Variants in IQSEC1 observed in about 807,000 individuals in gnomAD.
The protein encoded by IQSEC1 is IQ motif and Sec7 domain ArfGEF 1, also known as IQ motif and SEC7 domain-containing protein 1.
Under a neutral mutation model 91.0 loss-of-function variants are expected in IQSEC1, and 31 were observed. The observed-to-expected ratio is 0.34, with a 90% CI of 0.26 to 0.46. The LOEUF (loss-of-function observed/expected upper bound fraction) is 0.46. IQSEC1 is among the 20% of genes least tolerant of loss of function. The pLI is 1.00. For synonymous variants in IQSEC1, 699 were observed against 662.6 expected, an observed-to-expected ratio of 1.05 and a Z score of -0.84; for missense variants, 1,388 against 1,575.6, an observed-to-expected ratio of 0.88 and a Z score of 2.02.
intron 1 of IQSEC1, among the ~76,000 whole-genome samples, chr3:13,206,850 G>C (rs780043825): frequency 1.3e-4 from 20 of 152,142 alleles, no homozygotes; most frequent in Non-Finnish European, 2.4e-4. Flanking sequence ...AATGATGGGA[G>C]GGAGGCATGA....
At position 12,909,426 on chromosome 3, in the gene IQSEC1, T is replaced by G. The variant is rs1247397549; in HGVS notation, c.2425A>C (p.Asn809His). 3 of 1,613,758 alleles carry G rather than the reference T, an allele frequency of 1.9e-6. No individual in the cohort carries two copies. In the East Asian group the frequency reaches 6.7e-5, roughly 36 times the overall value. Reference sequence around the variant, plus strand: ...ACAGACGAGGTGAGCCGGATGCCATTGGGGTAGTCTGCAAAAGGGAAGGAG... The same window carrying G: ...ACAGACGAGGTGAGCCGGATGCCATGGGGGTAGTCTGCAAAAGGGAAGGAG... ...VLLFENQYYPNGIRLTSSVPG... is the reference protein window; with the variant it reads ...VLLFENQYYPHGIRLTSSVPG... The change falls in exon 11 of 14, where the codon AAT becomes CAT. Residue 809 changes from asparagine (N) to histidine (H), a missense_variant. By Grantham distance (68) the Asn-to-His change is moderately conservative. This residue lies in a region of IQSEC1 where 1,059 missense variants were observed against 1,317.8 expected (regional missense o/e 0.80). Coordinates refer to ENST00000613206, the MANE Select transcript of IQSEC1 (RefSeq NM_001134382.3). The surrounding 1 kb of genome is among the most constrained non-coding windows in gnomAD (Gnocchi z 4.9).
intron 1 of IQSEC1, among the ~76,000 whole-genome samples, chr3:12,975,778 G>A (rs777263142): frequency 1.9e-4 from 29 of 152,232 alleles, no homozygotes; most frequent in Non-Finnish European, 2.9e-5. Flanking sequence ...TAAAGAATTT[G>A]TTTAAGGGCA....
At chr3:13,055,087 C>G (rs1323088679) in intron 1 of IQSEC1, among the ~76,000 whole-genome samples, 1 of 152,252 alleles carries the variant, frequency 6.6e-6, no homozygotes, top group South Asian at 2.1e-4. Flanking sequence ...GGCCACAGAC[C>G]GCCCTGCCTG....
At chr3:12,913,166 G>A (rs578197709) in intron 9 of IQSEC1, among the ~76,000 whole-genome samples, 1 of 152,248 alleles carries the variant, frequency 6.6e-6, no homozygotes, top group Non-Finnish European at 1.5e-5. Flanking sequence ...ACAAGGTACA[G>A]GTGCAGACAG....
chr3:13,040,050 C>T (rs1704194391), intron 1 of IQSEC1, among the ~76,000 whole-genome samples: 2 of 152,238 alleles, frequency 1.3e-5, no homozygotes, highest in East Asian at 1.9e-4. Flanking sequence ...TCACATGTAG[C>T]AGACACTCAC....
chr3:13,246,111 G>A (rs914264229), intron 1 of IQSEC1, among the ~76,000 whole-genome samples: 3 of 152,176 alleles, frequency 2.0e-5, no homozygotes, highest in African/African-American at 4.8e-5. Flanking sequence ...TAGTGCATCC[G>A]AGCATCCATC....
intron 3 of IQSEC1, among the ~76,000 whole-genome samples, chr3:12,933,846 T>C (rs1033765664): frequency 1.3e-5 from 2 of 152,252 alleles, no homozygotes; most frequent in South Asian, 4.1e-4. Context: ...GAAGAATGTA[T>C]TCACGTGCTA....
At chr3:13,181,339 A>C (rs1200706450) in intron 1 of IQSEC1, among the ~76,000 whole-genome samples, 3 of 152,228 alleles carry the variant, frequency 2.0e-5, no homozygotes, top group Non-Finnish European at 4.4e-5. Context: ...AGAAGAAATA[A>C]ATCTACAAGT....
chr3:13,076,474 C>T (rs997042997), upstream of IQSEC1, among the ~76,000 whole-genome samples: 5 of 152,202 alleles, frequency 3.3e-5, no homozygotes, highest in Admixed American at 2.6e-4. Context: ...CTGCAACCTG[C>T]GGCCATCTGT....
intron 2 of IQSEC1, among the ~76,000 whole-genome samples, chr3:13,095,569 C>T (rs956779939): frequency 1.3e-5 from 2 of 152,128 alleles, no homozygotes; most frequent in African/African-American, 4.8e-5. Context: ...TGCCACTCCC[C>T]CCTCCTTTCC....
chr3:13,241,033 G>A lies in IQSEC1; in HGVS notation c.272+41678C>T, dbSNP rs201212317. Among the ~76,000 whole-genome samples the A allele has an allele frequency of 6.6e-5, 10 of 152,302 alleles. No individual in the cohort carries two copies. The East Asian group carries it at 1.3e-3, about 21-fold the overall frequency. On this transcript the variant is annotated intron_variant, in intron 1 of 15. Coordinates refer to the IQSEC1 transcript ENST00000648114. ...ACAGGTGGGCCCACCGTGTGATCAC[G>A]TCTCCAAACCAGGCACTTGATGGTC... is the stretch of plus-strand genomic sequence containing the variant.
chr3:13,058,628 T>C (rs1195814973), intron 1 of IQSEC1, among the ~76,000 whole-genome samples: 5 of 152,132 alleles, frequency 3.3e-5, no homozygotes, highest in African/African-American at 9.7e-5. Context: ...AGTGGGGCCC[T>C]GGAAGGAGAA....
In IQSEC1 at chr3:13,154,228, C is replaced by A. The variant is rs373204030; in HGVS notation, c.302+9876G>T. Among the ~76,000 whole-genome samples the A allele has an allele frequency of 3.0e-4, 45 of 151,010 alleles. 1 individual carries two copies. The East Asian group carries it at 8.5e-3, about 28-fold the overall frequency. On this transcript the variant is annotated intron_variant, in intron 2 of 15. Coordinates refer to the IQSEC1 transcript ENST00000648114. ...TGACTGGTGGAACTCTAGGACCATC[C>A]CTGGACACCATCATTAGTGGGCAGG...
chr3:13,151,515 T>G (rs2124960453), intron 2 of IQSEC1, among the ~76,000 whole-genome samples: 1 of 152,216 alleles, frequency 6.6e-6, no homozygotes, highest in South Asian at 2.1e-4. Flanking sequence ...AGGGGAACAG[T>G]AGCAAAGTTC....
At chr3:12,968,202 C>A (rs1700731519) in intron 1 of IQSEC1, among the ~76,000 whole-genome samples, 1 of 152,214 alleles carries the variant, frequency 6.6e-6, no homozygotes, top group African/African-American at 2.4e-5. Context: ...TAAAACCTGG[C>A]CTTTGCCTGC....
chr3:13,282,911 C>G lies in IQSEC1; in HGVS notation c.72G>C (p.Ala24=), dbSNP rs1175556557. Among the ~76,000 whole-genome samples the G allele has an allele frequency of 2.7e-5, 4 of 147,390 alleles. No homozygotes were observed. The highest frequency in any genetic ancestry group is 4.5e-5 in the Non-Finnish European group (3 of 66,128). ...GCCGGCGCGCCAGCAGCTCCTGCTGCGCGGCGACGATCCGGGTCAGCTCCT... is the reference window on the plus strand; with the variant it reads ...GCCGGCGCGCCAGCAGCTCCTGCTGGGCGGCGACGATCCGGGTCAGCTCCT... Residue 24 remains alanine (A), a synonymous_variant, in exon 1 of 16, where the codon GCG becomes GCC. Coordinates refer to the IQSEC1 transcript ENST00000648114. This position sits in a 1 kb window ranked among gnomAD's most constrained non-coding sequence, Gnocchi z 6.4.
In IQSEC1 at chr3:12,898,935, C is replaced by T. The variant is rs962100927; in HGVS notation, c.*2048G>A. On this transcript the variant is annotated 3_prime_UTR_variant, in exon 14 of 14. Transcript: ENST00000613206. ...TTGATGAGTCGGAGACACCAGGGCGCTTCCCTGACAGCCCAGCCTGGACCC... is the reference window on the plus strand; with the variant it reads ...TTGATGAGTCGGAGACACCAGGGCGTTTCCCTGACAGCCCAGCCTGGACCC... 6.3e-6 allele frequency: 1 copy of T among 159,448 alleles called. No homozygotes were observed. Among genetic ancestry groups the T allele is most frequent in the African/African-American group, 2.4e-5 (1 of 41,654 alleles). The allele number at this position is 159,448 out of a possible 1,614,324, so 9.9% of individuals were successfully genotyped here.
At position 12,983,420 on chromosome 3, in the gene IQSEC1, A is replaced by G. The variant is rs1482985370; in HGVS notation, c.24-41555T>C. Among the ~76,000 whole-genome samples, 1 of 152,102 alleles carries G rather than the reference A, an allele frequency of 6.6e-6. No homozygotes were observed. Among genetic ancestry groups the G allele is most frequent in the Non-Finnish European group, 1.5e-5 (1 of 68,004 alleles). ...GGAAGCATGGCTCACTCCTGGCCTG[A>G]CCAAAGCAATCCCCAGCCCCACCTC... On this transcript the variant is annotated intron_variant, in intron 1 of 13. Transcript: ENST00000613206. This position sits in a 1 kb window ranked among gnomAD's most constrained non-coding sequence, Gnocchi z 4.3.
intron 1 of IQSEC1, among the ~76,000 whole-genome samples, chr3:13,220,267 G>A (rs1486580351): frequency 1.3e-5 from 2 of 152,250 alleles, no homozygotes; most frequent in African/African-American, 4.8e-5. Context: ...TCCAGCCCCA[G>A]ACCTTGATCG....
Sources: allele counts gnomAD v4.1 joint callset (sites outside exome capture counted in the v4.1 genomes callset), GRCh38; gene constraint gnomAD v4.1.1; regional missense constraint gnomAD v4.1.1; non-coding constraint Gnocchi (gnomAD v3.1); transcripts MANE v1.5; gene names NCBI Gene and HGNC (gene_info 2026-07-23, HGNC 2026-07-21).